The following MICAL2 variants were observed in gnomAD, a reference collection of about 807,000 sequenced individuals.
The protein encoded by MICAL2 is [F-actin]-monooxygenase MICAL2.
A neutral mutation model predicts 127.3 loss-of-function variants in MICAL2; 77 were observed. The ratio of observed to expected loss-of-function variants is 0.60; its 90% CI spans 0.50 to 0.73. MICAL2 has a LOEUF of 0.73. MICAL2 is among the 30% of genes least tolerant of loss of function. The pLI is 0.00. For synonymous variants in MICAL2, 570 were observed against 551.1 expected (o/e 1.03, Z -0.48); for missense variants, 1,351 against 1,434.4 (o/e 0.94, Z 0.94).
chr11:12,358,998 T>C (rs1273362924), downstream of MICAL2: 1 of 153,026 alleles, frequency 6.5e-6, no homozygotes, highest in Admixed American at 6.5e-5. Context: ...TTGAGATTAC[T>C]GATTACATAA....
At chr11:12,231,027 G>A (rs558404487) in intron 15 of MICAL2, among the ~76,000 whole-genome samples, 1 of 152,282 alleles carries the variant, frequency 6.6e-6, no homozygotes, top group East Asian at 1.9e-4. Context: ...GGGGCTCCAG[G>A]GCTCTTGTCA....
chr11:12,254,689 T>C (rs1242822532), intron 22 of MICAL2: 5 of 152,218 alleles, frequency 3.3e-5, no homozygotes, highest in Non-Finnish European at 7.3e-5. Context: ...ATCTTGAATT[T>C]ATTTGCTAAG....
chr11:12,267,247 C>A (rs533301142), downstream of MICAL2, among the ~76,000 whole-genome samples: 9 of 152,320 alleles, frequency 5.9e-5, no homozygotes, highest in South Asian at 1.9e-3. Flanking sequence ...TGCCCAGCTG[C>A]CCGCTTGCTC....
intron 29 of MICAL2, among the ~76,000 whole-genome samples, chr11:12,298,649 T>C (rs1314650351): frequency 6.6e-6 from 1 of 152,204 alleles, no homozygotes; most frequent in Non-Finnish European, 1.5e-5. Flanking sequence ...TATTTTATCA[T>C]TTGGAGGAAA....
At chr11:12,327,144 T>A (rs1325582933) in intron 31 of MICAL2, 3 of 1,546,624 alleles carry the variant, frequency 1.9e-6, no homozygotes, top group African/African-American at 1.4e-5. Context: ...TGGAAAGTCC[T>A]TGTGTGACAT....
At chr11:12,260,427 T>C in intron 26 of MICAL2, 1 of 1,215,922 alleles carries the variant, frequency 8.2e-7, no homozygotes, top group Non-Finnish European at 1.0e-6. Flanking sequence ...TACATTTCAA[T>C]TTTTTTAATT....
intron 15 of MICAL2, among the ~76,000 whole-genome samples, chr11:12,230,336 C>G (rs1224752788): frequency 1.3e-5 from 2 of 152,158 alleles, no homozygotes; most frequent in Non-Finnish European, 2.9e-5. Context: ...AATTACACAT[C>G]TGTACATAAA....
chr11:12,249,389 G>C (rs1450570914), intron 22 of MICAL2, 143 bp downstream of exon 22: 3 of 611,292 alleles, frequency 4.9e-6, no homozygotes, highest in Non-Finnish European at 8.9e-6. Flanking sequence ...GGGCAGACAT[G>C]TGCTTGTACT....
intron 1 of MICAL2, among the ~76,000 whole-genome samples, chr11:12,122,094 G>T (rs945232153): frequency 1.3e-5 from 2 of 152,232 alleles, no homozygotes; most frequent in Non-Finnish European, 2.9e-5. Flanking sequence ...TGCTGTCACA[G>T]ACAGACCATG....
chr11:12,348,153 CAAAAAAAAAAA>C, intron 32 of MICAL2, among the ~76,000 whole-genome samples: 2 of 79,140 alleles, frequency 2.5e-5, no homozygotes, highest in South Asian at 1.2e-3. Flanking sequence ...GACTCTGTCT[CAAAAAAAAAAA>C]AAAAAAAAAA....
At position 12,157,996 on chromosome 11, in the gene MICAL2, T is replaced by C. The variant is rs186917176; in HGVS notation, c.-77-4083T>C. ...AGGAAGTGAGTTTGAACTCAGACCTTCTAAATGGAAGGCCCTTGTCCTCTA... is the reference window on the plus strand; with the variant it reads ...AGGAAGTGAGTTTGAACTCAGACCTCCTAAATGGAAGGCCCTTGTCCTCTA... On this transcript the variant is annotated intron_variant, in intron 2 of 27. Transcript: ENST00000683283. Among the ~76,000 whole-genome samples, 183 of 152,268 alleles carry C rather than the reference T, an allele frequency of 1.2e-3. 1 individual carries two copies. Among genetic ancestry groups the C allele is most frequent in the Admixed American group, 3.5e-3 (54 of 15,296 alleles).
intron 1 of MICAL2, among the ~76,000 whole-genome samples, chr11:12,118,942 A>G (rs61875171): frequency 0.028 from 4,259 of 152,188 alleles, 94 homozygotes; most frequent in Non-Finnish European, 0.045. Flanking sequence ...AGTCCTCTGG[A>G]TGGCTTTCTG....
rs1207319194 is a variant in MICAL2 at position 12,226,729 on chromosome 11, T to C, written c.1889-296T>C. Among the ~76,000 whole-genome samples, 3 of 147,384 alleles carry C rather than the reference T, an allele frequency of 2.0e-5. No individual in the cohort carries two copies. The East Asian group carries it at 6.2e-4, about 30-fold the overall frequency. On this transcript the variant is annotated intron_variant, in intron 14 of 27. Coordinates refer to ENST00000683283, the MANE Select transcript of MICAL2 (RefSeq NM_001282663.2). ...GTGCAGTGGTGTGATCTCGGCTCAC[T>C]GCAAGCTCTGCCTCCTGGGTTCACG... is the stretch of plus-strand genomic sequence containing the variant.
At chr11:12,190,518 T>C (rs920332852) in intron 3 of MICAL2, among the ~76,000 whole-genome samples, 1 of 152,236 alleles carries the variant, frequency 6.6e-6, no homozygotes, top group Non-Finnish European at 1.5e-5. Context: ...CCCACCTATT[T>C]TCAGCTTTGA....
chr11:12,214,823 T>G (rs1458921185), intron 7 of MICAL2, among the ~76,000 whole-genome samples: 1 of 149,328 alleles, frequency 6.7e-6, no homozygotes, highest in Non-Finnish European at 1.5e-5. Context: ...AGCTGGTCCA[T>G]CACACACACA....
chr11:12,315,445 CA>C (rs1227072949), intron 29 of MICAL2, among the ~76,000 whole-genome samples: 3 of 152,040 alleles, frequency 2.0e-5, no homozygotes, highest in African/African-American at 4.8e-5. Context: ...GACTCTGTCT[CA>C]AAAATACATT....
intron 3 of MICAL2, among the ~76,000 whole-genome samples, chr11:12,166,365 T>C (rs943530942): frequency 2.0e-5 from 3 of 152,232 alleles, no homozygotes; most frequent in African/African-American, 7.2e-5. Flanking sequence ...TTACCAGGCA[T>C]TTGACAGAGA....
At chr11:12,155,731 C>T (rs1236438377) in intron 2 of MICAL2, among the ~76,000 whole-genome samples, 10 of 152,266 alleles carry the variant, frequency 6.6e-5, no homozygotes, top group Non-Finnish European at 4.4e-5. Context: ...ACCTCCCCCA[C>T]GTCCACATAG....
intron 7 of MICAL2, among the ~76,000 whole-genome samples, chr11:12,213,947 A>C (rs1019704819): frequency 2.0e-5 from 3 of 152,224 alleles, no homozygotes; most frequent in African/African-American, 7.2e-5. Flanking sequence ...GTTGTCACCC[A>C]GCCATGGGCC....
Sources: gnomAD v4.1 joint callset for allele counts (sites outside exome capture counted in the v4.1 genomes callset) on GRCh38, gnomAD v4.1.1 for gene constraint, MANE v1.5 for transcripts, NCBI Gene and HGNC (gene_info 2026-07-23, HGNC 2026-07-21) for gene names.